The following RELN variants were observed in gnomAD, a reference collection of about 807,000 sequenced individuals.
The protein encoded by RELN is reelin.
In RELN, 108 loss-of-function variants were observed where a neutral mutation model predicts 427.6. The ratio of observed to expected loss-of-function variants is 0.25; its 90% CI spans 0.22 to 0.30. RELN has a LOEUF of 0.30. RELN is among the 10% of genes least tolerant of loss of function. The pLI is 1.00. For missense variants in RELN, 3,715 were observed against 4,302.8 expected (o/e 0.86, Z 3.82); for synonymous variants, 1,524 against 1,513.4 (o/e 1.01, Z -0.16).
chr7:103,611,573 A>C, intron 21 of RELN, 38 bp downstream of exon 21: 2 of 1,548,136 alleles, frequency 1.3e-6, no homozygotes, highest in South Asian at 2.3e-5. Context: ...AAAAGGCAGA[A>C]GGTTACCTGT....
At chr7:103,578,669 G>A (rs554562203) in intron 28 of RELN, among the ~76,000 whole-genome samples, 1 of 152,252 alleles carries the variant, frequency 6.6e-6, no homozygotes, top group African/African-American at 2.4e-5. Context: ...CAGGGTTTCT[G>A]GAATAGGAGG....
chr7:103,777,883 T>TCACTCACACACACACACA (rs1554417534), intron 3 of RELN, among the ~76,000 whole-genome samples: 1 of 143,870 alleles, frequency 7.0e-6, no homozygotes, highest in Non-Finnish European at 1.5e-5. Flanking sequence ...TGTTATACCT[T>TCACTCACACACACACACA]CACACACACA....
chr7:103,504,541 T>A (rs2117043636), intron 51 of RELN: 1 of 152,358 alleles, frequency 6.6e-6, no homozygotes, highest in Non-Finnish European at 1.5e-5. Context: ...GATTTCGGCA[T>A]TTCCAACTGA....
At chr7:103,980,977 G>T (rs553316220) in intron 1 of RELN, among the ~76,000 whole-genome samples, 4 of 152,296 alleles carry the variant, frequency 2.6e-5, no homozygotes, top group South Asian at 2.1e-4. Context: ...AATGTGAAAA[G>T]AACTGGAACT....
intron 50 of RELN, among the ~76,000 whole-genome samples, chr7:103,514,648 A>C (rs1363027948): frequency 6.7e-6 from 1 of 149,588 alleles, no homozygotes; most frequent in African/African-American, 2.5e-5. Flanking sequence ...AACAAGAATG[A>C]AACTGACTTA....
intron 1 of RELN, among the ~76,000 whole-genome samples, chr7:103,947,797 T>A (rs187327039): frequency 6.6e-6 from 1 of 152,334 alleles, no homozygotes; most frequent in East Asian, 1.9e-4. Flanking sequence ...CATATGTAAA[T>A]GAGAAATTAT....
At chr7:103,937,874 C>A (rs533202908) in intron 1 of RELN, among the ~76,000 whole-genome samples, 1 of 152,190 alleles carries the variant, frequency 6.6e-6, no homozygotes, top group African/African-American at 2.4e-5. Context: ...TGCTCACTAA[C>A]CAGGCTCAGT....
Position 103,652,587 on chromosome 7 carries a change from A to G in RELN, c.1727T>C (p.Ile576Thr). 5.0e-6 allele frequency: 8 copies of G among 1,612,870 alleles called. No individual in the cohort carries two copies. The highest frequency in any genetic ancestry group is 6.8e-6 in the Non-Finnish European group (8 of 1,179,266). The change falls in exon 14 of 65, where the codon ATC (isoleucine) becomes ACC (threonine). Residue 576 changes from isoleucine (I) to threonine (T), a missense_variant. Coordinates refer to ENST00000428762, the MANE Select transcript of RELN (RefSeq NM_005045.4). ...CTGATGCGTTCCACATCCCAGATTGATGGAAAACTGTATCATGTGAGACAT... is the reference window on the plus strand; with the variant it reads ...CTGATGCGTTCCACATCCCAGATTGGTGGAAAACTGTATCATGTGAGACAT... ...STMSHMIQFS[I>T]NLGCGTHQPG...
rs113783237 is a variant in RELN, at chr7:103,818,587, T to G, written c.473+14950A>C. Among the ~76,000 whole-genome samples the G allele has an allele frequency of 1.1e-3, 168 of 152,302 alleles. 2 individuals carry two copies. Among genetic ancestry groups the G allele is most frequent in the African/African-American group, 3.5e-3 (144 of 41,580 alleles). On this transcript the variant is annotated intron_variant, in intron 3 of 64. Coordinates refer to ENST00000428762, the MANE Select transcript of RELN (RefSeq NM_005045.4). ...AATTTTATCAGGTTGACTTCATAGT[T>G]AACCTTAACATAAAAATAACATACT...
At chr7:103,540,800 T>G (rs964063792) in intron 43 of RELN, among the ~76,000 whole-genome samples, 3 of 152,148 alleles carry the variant, frequency 2.0e-5, no homozygotes, top group Non-Finnish European at 4.4e-5. Context: ...GAGTGTGTGT[T>G]GTCATCTATT....
intron 41 of RELN, among the ~76,000 whole-genome samples, chr7:103,550,295 T>C (rs1175447390): frequency 1.3e-5 from 2 of 152,204 alleles, no homozygotes; most frequent in Non-Finnish European, 2.9e-5. Flanking sequence ...ATGCTCCATT[T>C]CACAGCAGGA....
At chr7:103,499,907 T>C (rs1211487832) in intron 53 of RELN, among the ~76,000 whole-genome samples, 3 of 152,350 alleles carry the variant, frequency 2.0e-5, no homozygotes, top group Non-Finnish European at 4.4e-5. Flanking sequence ...GTTTTTCATG[T>C]GGTAACCTCA....
At chr7:103,786,742 C>A (rs1792026774) in intron 3 of RELN, among the ~76,000 whole-genome samples, 1 of 152,108 alleles carries the variant, frequency 6.6e-6, no homozygotes, top group South Asian at 2.1e-4. Flanking sequence ...GACTCCCACA[C>A]AATAATAGTT....
chr7:103,980,533 T>C (rs1236542088), intron 1 of RELN, among the ~76,000 whole-genome samples: 1 of 152,204 alleles, frequency 6.6e-6, no homozygotes, highest in African/African-American at 2.4e-5. Flanking sequence ...AACCACCATT[T>C]TGAAAAATAA....
intron 1 of RELN, among the ~76,000 whole-genome samples, chr7:103,938,556 A>G (rs773324151): frequency 6.6e-6 from 1 of 152,216 alleles, no homozygotes; most frequent in Non-Finnish European, 1.5e-5. Context: ...TATTCTCCAA[A>G]TGGGAAATAT....
chr7:103,658,052 T>C (rs1194661818), intron 12 of RELN, among the ~76,000 whole-genome samples: 3 of 152,138 alleles, frequency 2.0e-5, no homozygotes, highest in East Asian at 1.9e-4. Flanking sequence ...TAAATATTTG[T>C]TGGAGGAACA....
intron 6 of RELN, among the ~76,000 whole-genome samples, chr7:103,729,915 G>GT (rs3216270): frequency 0.033 from 4,921 of 148,618 alleles, 254 homozygotes; most frequent in African/African-American, 0.11. Flanking sequence ...TTATATTAGG[G>GT]TTTTTTTTTT....
intron 1 of RELN, among the ~76,000 whole-genome samples, chr7:103,958,445 G>A (rs1796480283): frequency 6.6e-6 from 1 of 152,200 alleles, no homozygotes; most frequent in Non-Finnish European, 1.5e-5. Flanking sequence ...GACCCAATAT[G>A]AAGCAGCTTC....
intron 11 of RELN, among the ~76,000 whole-genome samples, chr7:103,679,939 A>G (rs1290358933): frequency 6.6e-6 from 1 of 152,142 alleles, no homozygotes; most frequent in Non-Finnish European, 1.5e-5. Flanking sequence ...CCAAGTCTCC[A>G]CAAGTGTTAC....
Sources: gnomAD v4.1 joint callset for allele counts (sites outside exome capture counted in the v4.1 genomes callset) on GRCh38, gnomAD v4.1.1 for gene constraint, MANE v1.5 for transcripts, NCBI Gene and HGNC (gene_info 2026-07-23, HGNC 2026-07-21) for gene names.